The following PTK7 variants were observed in gnomAD, a reference collection of about 807,000 sequenced individuals.
PTK7 encodes the protein protein tyrosine kinase 7 (inactive), also known as inactive tyrosine-protein kinase 7.
PTK7 carries 39 observed loss-of-function variants against 116.6 expected under a neutral mutation model. The ratio of observed to expected loss-of-function variants is 0.33; its 90% CI spans 0.26 to 0.44. The LOEUF (loss-of-function observed/expected upper bound fraction) is 0.44. Among genes scored for constraint, PTK7 ranks in the 20% least tolerant of loss-of-function variants. PTK7 has a pLI of 1.00. For missense variants in PTK7, 1,169 were observed against 1,425.6 expected (o/e 0.82, Z 2.90); for synonymous variants, 546 against 563.6 (o/e 0.97, Z 0.44).
chr6:43,130,798 G>C lies in PTK7; in HGVS notation c.812+137G>C. 9 of 1,293,790 alleles carry C rather than the reference G, an allele frequency of 7.0e-6. No homozygotes were observed. In the South Asian group the frequency reaches 1.3e-4, roughly 18 times the overall value. The allele number at this position is 1,293,790 out of a possible 1,614,324, so 80.1% of individuals were successfully genotyped here. On this transcript the variant is annotated intron_variant, in intron 5 of 19. Transcript: ENST00000230419. Reference sequence around the variant, plus strand: ...AAATTTCCAAGAGACACAGTTGAATGTTTTGCTTTTACAAGATGAGTCTGA... The same window carrying C: ...AAATTTCCAAGAGACACAGTTGAATCTTTTGCTTTTACAAGATGAGTCTGA...
At chr6:43,097,193 G>A (rs967066320) in intron 1 of PTK7, among the ~76,000 whole-genome samples, 1 of 152,176 alleles carries the variant, frequency 6.6e-6, no homozygotes, top group Non-Finnish European at 1.5e-5. Flanking sequence ...ACCAGGTTGG[G>A]TGGGGGGCAG....
intron 1 of PTK7, among the ~76,000 whole-genome samples, chr6:43,110,912 C>T (rs751471769): frequency 6.6e-6 from 1 of 152,156 alleles, no homozygotes; most frequent in Non-Finnish European, 1.5e-5. Flanking sequence ...CTCCTAGGAT[C>T]GGAAAGCTGA....
chr6:43,125,887 T>G (rs558234404), intron 1 of PTK7, among the ~76,000 whole-genome samples: 1 of 152,242 alleles, frequency 6.6e-6, no homozygotes, highest in Admixed American at 6.5e-5. Flanking sequence ...CCTTAGCTGC[T>G]CCTCTGTGTG....
intron 1 of PTK7, among the ~76,000 whole-genome samples, chr6:43,099,610 C>T (rs1184509807): frequency 1.3e-5 from 2 of 151,986 alleles, no homozygotes; most frequent in Non-Finnish European, 2.9e-5. Flanking sequence ...ATTCACTGTC[C>T]CCAGAGAGCT....
intron 5 of PTK7, 52 bp downstream of exon 5, chr6:43,130,713 T>G: frequency 1.9e-6 from 3 of 1,593,264 alleles, no homozygotes; most frequent in Non-Finnish European, 2.6e-6. Flanking sequence ...ACACATGCAT[T>G]CTGTAGAAGG....
chr6:43,146,173 TAAAAAC>T (rs1770713694), intron 16 of PTK7: 1 of 154,654 alleles, frequency 6.5e-6, no homozygotes, highest in African/African-American at 2.4e-5. Flanking sequence ...ACAAAAAAAT[TAAAAAC>T]AAACAAACAA....
chr6:43,095,633 T>C (rs546651758), intron 1 of PTK7, among the ~76,000 whole-genome samples: 2 of 152,350 alleles, frequency 1.3e-5, no homozygotes, highest in East Asian at 3.9e-4. Flanking sequence ...TCCGCTTCGG[T>C]TGGCTTCCTA....
At position 43,145,544 on chromosome 6, in the gene PTK7, C is replaced by T. The variant is rs985190378; in HGVS notation, c.2640+112C>T. The T allele has an allele frequency of 2.5e-5, 20 of 811,412 alleles. No individual in the cohort carries two copies. Among genetic ancestry groups the T allele is most frequent in the East Asian group, 2.0e-4 (7 of 35,222 alleles). 50.3% of individuals were successfully genotyped at this position (811,412 alleles called of 1,614,324 possible). On this transcript the variant is annotated intron_variant, in intron 16 of 19. Coordinates refer to ENST00000230419, the MANE Select transcript of PTK7 (RefSeq NM_002821.5). This position sits in a 1 kb window ranked among gnomAD's most constrained non-coding sequence, Gnocchi z 4.8. ...AAACCTTGTCTCGTGCAGTCTCAGC[C>T]GAGACCTCACCTGCCTGCTGTTACA...
intron 10 of PTK7, among the ~76,000 whole-genome samples, chr6:43,140,308 C>G (rs1379054604): frequency 6.6e-6 from 1 of 151,906 alleles, no homozygotes; most frequent in African/African-American, 2.4e-5. Context: ...AAAAAATTAG[C>G]CAGGGGTGGC....
chr6:43,144,629 G>T, intron 15 of PTK7, 23 bp downstream of exon 15: 1 of 1,591,130 alleles, frequency 6.3e-7, no homozygotes, highest in Non-Finnish European at 8.6e-7. Context: ...GACTACAGCT[G>T]CCCCTGCCTA....
intron 17 of PTK7, among the ~76,000 whole-genome samples, chr6:43,152,358 T>C (rs1435721409): frequency 1.3e-5 from 2 of 152,150 alleles, no homozygotes; most frequent in Non-Finnish European, 2.9e-5. Context: ...GGTGAAACCC[T>C]GTCTCTACTA....
chr6:43,155,322 T>G (rs746786008), intron 17 of PTK7, among the ~76,000 whole-genome samples: 1 of 152,140 alleles, frequency 6.6e-6, no homozygotes, highest in Non-Finnish European at 1.5e-5. Flanking sequence ...CAATTTATAT[T>G]TGTTCAGTGC....
chr6:43,146,733 T>G, intron 17 of PTK7, 35 bp downstream of exon 17: 11 of 1,575,064 alleles, frequency 7.0e-6, no homozygotes, highest in South Asian at 2.2e-5. Context: ...AGGGAGAGGG[T>G]GCCCAGGGGT....
At chr6:43,078,999 G>T (rs959341658) in intron 1 of PTK7, among the ~76,000 whole-genome samples, 1 of 152,188 alleles carries the variant, frequency 6.6e-6, no homozygotes, top group African/African-American at 2.4e-5. Flanking sequence ...CAGCTGTTGG[G>T]AAGTATGGTG....
chr6:43,079,043 A>G (rs980904687), intron 1 of PTK7, among the ~76,000 whole-genome samples: 1 of 152,154 alleles, frequency 6.6e-6, no homozygotes, highest in Non-Finnish European at 1.5e-5. Flanking sequence ...TCACTTGTCA[A>G]ATGATATACT....
rs1766039064 is a variant in PTK7, at chr6:43,076,767, T to A, written c.79+200T>A. 2.1e-6 allele frequency: 3 copies of A among 1,397,022 alleles called. No individual in the cohort carries two copies. The South Asian group carries it at 4.7e-5, about 22-fold the overall frequency. The allele number at this position is 1,397,022 out of a possible 1,614,324, so 86.5% of individuals were successfully genotyped here. A position where few individuals can be genotyped will look rare whatever the true frequency, so the allele number is the denominator to read the frequency against. On this transcript the variant is annotated intron_variant, in intron 1 of 19. Transcript: ENST00000230419. The surrounding 1 kb of genome is among the most constrained non-coding windows in gnomAD (Gnocchi z 5.7). ...GCTGGCGAAGCCTCCAGGGACGCGG[T>A]CAGGGTACCCCTCCCACTCGCGCCG...
chr6:43,125,183 A>G (rs147772101), intron 1 of PTK7, among the ~76,000 whole-genome samples: 11 of 152,340 alleles, frequency 7.2e-5, no homozygotes, highest in African/African-American at 2.6e-4. Context: ...CAAAAAACAA[A>G]AAAAAGAAAA....
chr6:43,076,770 G>C lies in PTK7; in HGVS notation c.79+203G>C, dbSNP rs1766039436. The C allele has an allele frequency of 7.1e-7, 1 of 1,404,928 alleles. No individual in the cohort carries two copies. The highest frequency in any genetic ancestry group is 1.5e-5 in the South Asian group (1 of 64,550). 87.0% of individuals were successfully genotyped at this position (1,404,928 alleles called of 1,614,324 possible). On this transcript the variant is annotated intron_variant, in intron 1 of 19. Transcript: ENST00000230419. This position sits in a 1 kb window ranked among gnomAD's most constrained non-coding sequence, Gnocchi z 5.7. Reference sequence around the variant, plus strand: ...GGCGAAGCCTCCAGGGACGCGGTCAGGGTACCCCTCCCACTCGCGCCGCGG... The same window carrying C: ...GGCGAAGCCTCCAGGGACGCGGTCACGGTACCCCTCCCACTCGCGCCGCGG...
At chr6:43,083,932 A>G (rs1194805558) in intron 1 of PTK7, among the ~76,000 whole-genome samples, 1 of 151,606 alleles carries the variant, frequency 6.6e-6, no homozygotes, top group Non-Finnish European at 1.5e-5. Flanking sequence ...TTCTCAAATT[A>G]GAGTGGAGAG....
Sources: gnomAD v4.1 joint callset for allele counts (sites outside exome capture counted in the v4.1 genomes callset) on GRCh38, gnomAD v4.1.1 for gene constraint, Gnocchi (gnomAD v3.1) non-coding constraint, MANE v1.5 for transcripts, NCBI Gene and HGNC (gene_info 2026-07-23, HGNC 2026-07-21) for gene names.